The following ANP32A variants were observed in gnomAD, a reference collection of about 807,000 sequenced individuals.
ANP32A encodes acidic nuclear phosphoprotein 32 family member A.
ANP32A carries 1 observed loss-of-function variant against 33.9 expected under a neutral mutation model. That is an observed-to-expected ratio of 0.03 (90% CI 0.01 to 0.14). The LOEUF is 0.14. Ranked by LOEUF, ANP32A falls within the 10% of genes least tolerant of loss-of-function variation. The pLI is 1.00. For synonymous variants in ANP32A, 115 were observed against 120.5 expected, an observed-to-expected ratio of 0.95 and a Z score of 0.30; for missense variants, 155 against 306.0, an observed-to-expected ratio of 0.51 and a Z score of 3.68.
In ANP32A at chr15:68,807,429, G is replaced by GC. The variant is rs550609035; in HGVS notation, c.54+13268_54+13269insG. Among the ~76,000 whole-genome samples, 62 of 131,578 alleles carry GC rather than the reference G, an allele frequency of 4.7e-4. No individual in the cohort carries two copies. The South Asian group carries it at 0.012, about 25-fold the overall frequency. 86.3% of individuals were successfully genotyped at this position (131,578 alleles called of 152,430 possible). ...TCCCGCCCCACCTCCACAGAAAACG[G>GC]GGGGGGGGGAGTCTCTCCTTTGCCC... is the stretch of plus-strand genomic sequence containing the variant. On this transcript the variant is annotated intron_variant, in intron 1 of 6. Coordinates refer to ENST00000465139, the MANE Select transcript of ANP32A (RefSeq NM_006305.4).
At chr15:68,796,238 C>G (rs181249780) in intron 1 of ANP32A, among the ~76,000 whole-genome samples, 147 of 152,316 alleles carry the variant, frequency 9.7e-4, no homozygotes, top group African/African-American at 3.4e-3. Flanking sequence ...CCCACCACCA[C>G]GTCTGGCTGA....
At chr15:68,807,401 T>G (rs1389198625) in intron 1 of ANP32A, among the ~76,000 whole-genome samples, 1 of 130,790 alleles carries the variant, frequency 7.6e-6, no homozygotes, top group Non-Finnish European at 1.6e-5. Context: ...TGGCTGGTAT[T>G]CCTCCCGCCC....
At chr15:68,818,509 CCCCA>C (rs1894421457) in intron 1 of ANP32A, among the ~76,000 whole-genome samples, 2 of 152,254 alleles carry the variant, frequency 1.3e-5, no homozygotes, top group Admixed American at 1.3e-4. Flanking sequence ...GCCACCCGCG[CCCCA>C]CCCCGCCTCC....
At chr15:68,811,498 C>G (rs937947853) in intron 1 of ANP32A, among the ~76,000 whole-genome samples, 17 of 151,996 alleles carry the variant, frequency 1.1e-4, no homozygotes, top group African/African-American at 4.1e-4. Context: ...GACGTCCTGG[C>G]CGGGAGGGAA....
Position 68,785,938 on chromosome 15 carries a change from C to G in ANP32A, c.328-1343G>C, listed in dbSNP as rs183242571. On this transcript the variant is annotated intron_variant, in intron 3 of 6. Transcript: ENST00000465139. ...AATAGTTTGGCTTTTTCCTAGGAGA[C>G]CAGTGAAAGGCCTGAAAAGAAGTTC... 1.3e-3 allele frequency among the ~76,000 whole-genome samples: 194 copies of G among 152,290 alleles called. 1 individual carries two copies. Among genetic ancestry groups the G allele is most frequent in the African/African-American group, 4.3e-3 (179 of 41,552 alleles).
chr15:68,810,352 C>A (rs2140372808), intron 1 of ANP32A, among the ~76,000 whole-genome samples: 1 of 152,206 alleles, frequency 6.6e-6, no homozygotes, highest in South Asian at 2.1e-4. Context: ...CAGTGGCAAG[C>A]AACAGAGCAT....
Position 68,820,740 on chromosome 15 carries a change from G to A in ANP32A, c.12C>T (p.Gly4=). 6.2e-7 allele frequency: 1 copy of A among 1,614,014 alleles called. No individual in the cohort carries two copies. The highest frequency in any genetic ancestry group is 1.3e-5 in the African/African-American group (1 of 75,008). Residue 4 remains glycine (G), a synonymous_variant, in exon 1 of 7, where the codon GGC becomes GGT. Transcript: ENST00000465139. MEM[G]RRIHLELRNR... ...TCCGCAGCTCTAAATGAATCCGTCT[G>A]CCCATCTCCATCTCTCGCGCTCTCT...
At chr15:68,809,892 C>T (rs771625224) in intron 1 of ANP32A, among the ~76,000 whole-genome samples, 5 of 152,232 alleles carry the variant, frequency 3.3e-5, no homozygotes, top group East Asian at 1.9e-4. Context: ...TCCCTCAAAT[C>T]GTGCAGTGCA....
chr15:68,797,762 G>C (rs1894082332), intron 1 of ANP32A, among the ~76,000 whole-genome samples: 1 of 152,064 alleles, frequency 6.6e-6, no homozygotes, highest in Admixed American at 6.6e-5. Flanking sequence ...CAGGCAACCT[G>C]CCCCTGTCCA....
chr15:68,807,252 G>C (rs910237763), intron 1 of ANP32A, among the ~76,000 whole-genome samples: 15 of 152,330 alleles, frequency 9.8e-5, no homozygotes, highest in African/African-American at 3.4e-4. Context: ...ACTGGGAGAG[G>C]CTGGCCCAGA....
At chr15:68,810,205 A>G (rs766544350) in intron 1 of ANP32A, among the ~76,000 whole-genome samples, 1 of 152,194 alleles carries the variant, frequency 6.6e-6, no homozygotes, top group Non-Finnish European at 1.5e-5. Flanking sequence ...TGGTCTTATT[A>G]AAGATTTGGG....
chr15:68,810,798 G>A lies in ANP32A; in HGVS notation c.54+9900C>T, dbSNP rs575465153. 8.5e-5 allele frequency among the ~76,000 whole-genome samples: 13 copies of A among 152,208 alleles called. No homozygotes were observed. The East Asian group carries it at 1.5e-3, about 18-fold the overall frequency. ...ATCCCAGCCGGGCGCAGTGGCTCAC[G>A]CCTGTAATCCCAGCACTTTGGGAGG... On this transcript the variant is annotated intron_variant, in intron 1 of 6. Transcript: ENST00000465139.
chr15:68,802,245 T>C lies in ANP32A; in HGVS notation c.55-14326A>G, dbSNP rs149580139. On this transcript the variant is annotated intron_variant, in intron 1 of 6. Transcript: ENST00000465139. ...GATATACAGTTAACTCTCCCTCCTA[T>C]CTTATCCTCTGTCTGCCCAGTCAAC... Among the ~76,000 whole-genome samples, 383 of 152,286 alleles carry C rather than the reference T, an allele frequency of 2.5e-3. 3 individuals are homozygous for C. The highest frequency in any genetic ancestry group is 8.9e-3 in the African/African-American group (369 of 41,552).
At chr15:68,816,558 A>C (rs1040580783) in intron 1 of ANP32A, among the ~76,000 whole-genome samples, 3 of 152,204 alleles carry the variant, frequency 2.0e-5, no homozygotes, top group African/African-American at 7.2e-5. Flanking sequence ...TAATGCCTGG[A>C]AGCACCCTGA....
intron 1 of ANP32A, among the ~76,000 whole-genome samples, chr15:68,796,114 T>A (rs183728094): frequency 6.6e-6 from 1 of 152,298 alleles, no homozygotes; most frequent in African/African-American, 2.4e-5. Context: ...ACAGTTTCGT[T>A]CTTGTCACCT....
At chr15:68,788,592 G>A (rs1396776554) in intron 1 of ANP32A, among the ~76,000 whole-genome samples, 1 of 152,168 alleles carries the variant, frequency 6.6e-6, no homozygotes, top group South Asian at 2.1e-4. Context: ...CACGGAGTGC[G>A]GCCAGTGAGA....
intron 1 of ANP32A, among the ~76,000 whole-genome samples, chr15:68,796,361 G>A (rs1219229728): frequency 6.6e-6 from 1 of 151,056 alleles, no homozygotes; most frequent in African/African-American, 2.4e-5. Context: ...GATTACAGGC[G>A]CCCACCATCA....
chr15:68,785,067 G>A (rs1179822574), intron 3 of ANP32A, among the ~76,000 whole-genome samples: 6 of 152,116 alleles, frequency 3.9e-5, no homozygotes, highest in Admixed American at 6.6e-5. Flanking sequence ...TTCATGTACT[G>A]AGTCACTTTA....
chr15:68,812,847 A>C (rs1351470342), intron 1 of ANP32A: 2 of 152,204 alleles, frequency 1.3e-5, no homozygotes, highest in Non-Finnish European at 2.9e-5. Flanking sequence ...TAGGAGCAGA[A>C]AGTTCGAAAG....
Sources: gnomAD v4.1 joint callset for allele counts (sites outside exome capture counted in the v4.1 genomes callset) on GRCh38, gnomAD v4.1.1 for gene constraint, MANE v1.5 for transcripts, NCBI Gene and HGNC (gene_info 2026-07-23, HGNC 2026-07-21) for gene names.